MAX: variants seen among roughly 807,000 people sequenced by gnomAD.
The protein encoded by MAX is MYC associated transcriptional regulator X, also known as protein max.
Under a neutral mutation model 22.3 loss-of-function variants are expected in MAX, and 3 were observed. The observed-to-expected ratio is 0.13, with a 90% CI of 0.06 to 0.35. The LOEUF is 0.35. Among genes scored for constraint, MAX ranks in the 10% least tolerant of loss-of-function variants. The pLI is 1.00. For synonymous variants in MAX, 72 were observed against 77.7 expected, an observed-to-expected ratio of 0.93 and a Z score of 0.39; for missense variants, 119 against 209.4, an observed-to-expected ratio of 0.57 and a Z score of 2.66.
rs547085244 is a variant in MAX, at chr14:65,023,525, T to C, written c.172-17241A>G. Among the ~76,000 whole-genome samples the C allele has an allele frequency of 1.1e-3, 169 of 152,352 alleles. No individual in the cohort carries two copies. Among genetic ancestry groups the C allele is most frequent in the Middle Eastern group, 3.4e-3 (1 of 294 alleles). ...TAAAAGTGGTGGTGTCCAGCAGAAC[T>C]TTCTGTGATAATGAAAATGTTCTAT... On this transcript the variant is annotated intron_variant, in intron 3 of 3. Transcript: ENST00000341653. The surrounding 1 kb of genome is among the most constrained non-coding windows in gnomAD (Gnocchi z 4.1).
downstream of MAX, among the ~76,000 whole-genome samples, chr14:65,072,049 G>T (rs531490657): frequency 6.6e-6 from 1 of 152,338 alleles, no homozygotes; most frequent in East Asian, 1.9e-4. Flanking sequence ...TGTAGACATT[G>T]ACAAACTCTT....
In MAX at chr14:65,028,931, A is replaced by T. The variant is rs2062030955; in HGVS notation, c.172-22647T>A. On this transcript the variant is annotated intron_variant, in intron 3 of 3. Transcript: ENST00000341653. The surrounding 1 kb of genome is among the most constrained non-coding windows in gnomAD (Gnocchi z 4.4). ...TACTAAGATTATTAGGCAAAAGCAAACAAATCATAGCAAGATCCTTTTGGT... is the reference window on the plus strand; with the variant it reads ...TACTAAGATTATTAGGCAAAAGCAATCAAATCATAGCAAGATCCTTTTGGT... Among the ~76,000 whole-genome samples, 1 of 152,240 alleles carries T rather than the reference A, an allele frequency of 6.6e-6. No individual in the cohort carries two copies. Among genetic ancestry groups the T allele is most frequent in the Non-Finnish European group, 1.5e-5 (1 of 68,036 alleles).
In MAX at chr14:65,077,478, T is replaced by C. The variant is rs2063090244; in HGVS notation, c.295+435A>G. On this transcript the variant is annotated intron_variant, in intron 4 of 4. Transcript: ENST00000358664. The surrounding 1 kb of genome is among the most constrained non-coding windows in gnomAD (Gnocchi z 6.3). ...GTGAGCATTGAGAACAGCATGGGCC[T>C]AGCCCATAGGCTGCCCTGATTGGAC... 1 of 1,236,382 alleles carries C rather than the reference T, an allele frequency of 8.1e-7. No homozygotes were observed. Among genetic ancestry groups the C allele is most frequent in the South Asian group, 1.2e-5 (1 of 83,592 alleles). The allele number at this position is 1,236,382 out of a possible 1,614,324, so 76.6% of individuals were successfully genotyped here. A position where few individuals can be genotyped will look rare whatever the true frequency, so the allele number is the denominator to read the frequency against.
chr14:65,017,718 G>A (rs2061804860), intron 3 of MAX, among the ~76,000 whole-genome samples: 1 of 152,194 alleles, frequency 6.6e-6, no homozygotes, highest in Non-Finnish European at 1.5e-5. Context: ...CACTTTGGGA[G>A]GTTGAGGTGG....
intron 3 of MAX, among the ~76,000 whole-genome samples, chr14:65,043,903 C>T (rs551386723): frequency 1.3e-5 from 2 of 149,696 alleles, no homozygotes; most frequent in East Asian, 3.9e-4. Flanking sequence ...TTAATAAACT[C>T]CCCGGAGCAG....
intron 3 of MAX, among the ~76,000 whole-genome samples, chr14:65,021,289 C>T (rs1199622724): frequency 1.3e-5 from 2 of 152,182 alleles, no homozygotes; most frequent in African/African-American, 4.8e-5. Flanking sequence ...TTGCCTTTAA[C>T]TTAAAAACCA....
Position 65,078,130 on chromosome 14 carries a change from G to C in MAX, c.172-94C>G, listed in dbSNP as rs1422582468. 1 of 1,385,872 alleles carries C rather than the reference G, an allele frequency of 7.2e-7. No individual in the cohort carries two copies. Among genetic ancestry groups the C allele is most frequent in the Non-Finnish European group, 1.0e-6 (1 of 976,410 alleles). 85.8% of individuals were successfully genotyped at this position (1,385,872 alleles called of 1,614,324 possible). ...CCTGCAGCAACTGCTTGGGTGGCTGGAAACGAGAGGGTAAGGTGGGAAAAG... is the reference window on the plus strand; with the variant it reads ...CCTGCAGCAACTGCTTGGGTGGCTGCAAACGAGAGGGTAAGGTGGGAAAAG... On this transcript the variant is annotated intron_variant, in intron 3 of 4. Coordinates refer to ENST00000358664, the MANE Select transcript of MAX (RefSeq NM_002382.5). The surrounding 1 kb of genome is among the most constrained non-coding windows in gnomAD (Gnocchi z 6.4).
chr14:65,036,262 G>A (rs1036081525), intron 3 of MAX, among the ~76,000 whole-genome samples: 2 of 150,552 alleles, frequency 1.3e-5, no homozygotes, highest in African/African-American at 4.9e-5. Flanking sequence ...TTTGAAAGAG[G>A]GTCTCACTTC....
rs1238731038 is a variant in MAX, at chr14:65,008,108, C to T, written c.172-1824G>A. 2.6e-5 allele frequency among the ~76,000 whole-genome samples: 4 copies of T among 152,326 alleles called. No homozygotes were observed. The East Asian group carries it at 5.8e-4, about 22-fold the overall frequency. On this transcript the variant is annotated intron_variant, in intron 3 of 3. Transcript: ENST00000341653. ...TTCTTACTGTTGTTCTTTCCAAGGT[C>T]TCACAAATAAGTTCACCTTTCCTCG...
chr14:65,027,404 G>T lies in MAX; in HGVS notation c.172-21120C>A. 1 of 1,604,386 alleles carries T rather than the reference G, an allele frequency of 6.2e-7. No homozygotes were observed. ...GAATCTAGTGGGAATTTGGTGTTTTGACATGAATGCTCTCTGACTTTGTTT... is the reference window on the plus strand; with the variant it reads ...GAATCTAGTGGGAATTTGGTGTTTTTACATGAATGCTCTCTGACTTTGTTT... On this transcript the variant is annotated intron_variant, in intron 3 of 3. Transcript: ENST00000341653. This position sits in a 1 kb window ranked among gnomAD's most constrained non-coding sequence, Gnocchi z 5.7.
At chr14:65,016,241 T>A (rs1331952254) in intron 3 of MAX, among the ~76,000 whole-genome samples, 1 of 152,200 alleles carries the variant, frequency 6.6e-6, no homozygotes, top group East Asian at 1.9e-4. Context: ...ACCTGATCGA[T>A]GATTAGAGAT....
intron 3 of MAX, among the ~76,000 whole-genome samples, chr14:65,038,520 C>T (rs779594653): frequency 6.6e-6 from 1 of 151,940 alleles, no homozygotes; most frequent in Non-Finnish European, 1.5e-5. Flanking sequence ...GAGTTCGAAA[C>T]CAGCCTGACC....
intron 3 of MAX, among the ~76,000 whole-genome samples, chr14:65,025,518 T>A (rs2061962681): frequency 1.3e-5 from 2 of 152,158 alleles, no homozygotes; most frequent in East Asian, 3.9e-4. Flanking sequence ...TAATTGCTGT[T>A]AAAAATGTGT....
At position 65,102,424 on chromosome 14, in the gene MAX, A is replaced by G; in HGVS notation, c.-85T>C. 2 of 1,562,828 alleles carry G rather than the reference A, an allele frequency of 1.3e-6. No homozygotes were observed. The highest frequency in any genetic ancestry group is 1.7e-6 in the Non-Finnish European group (2 of 1,156,296). ...GAGGGGGAAGTCACCGACAACAACA[A>G]GCCGAGTCCCCCCCACACACACACT... On this transcript the variant is annotated 5_prime_UTR_variant, in exon 1 of 5. Coordinates refer to ENST00000358664, the MANE Select transcript of MAX (RefSeq NM_002382.5).
Position 65,076,949 on chromosome 14 carries a change from G to A in MAX, c.296-286C>T. 1.8e-6 allele frequency: 1 copy of A among 568,142 alleles called. No individual in the cohort carries two copies. The highest frequency in any genetic ancestry group is 3.0e-5 in the East Asian group (1 of 32,858). 35.2% of individuals were successfully genotyped at this position (568,142 alleles called of 1,614,324 possible). A position where few individuals can be genotyped will look rare whatever the true frequency, so the allele number is the denominator to read the frequency against. On this transcript the variant is annotated intron_variant, in intron 4 of 4. Coordinates refer to ENST00000358664, the MANE Select transcript of MAX (RefSeq NM_002382.5). This position sits in a 1 kb window ranked among gnomAD's most constrained non-coding sequence, Gnocchi z 6.6. ...TCCTGCCGTGGAAGCCCCGTGGAGA[G>A]ACTGGAGCGTGAGCTCCCTGTGGGA... is the stretch of plus-strand genomic sequence containing the variant.
chr14:65,040,054 G>A (rs2062310037), intron 3 of MAX, among the ~76,000 whole-genome samples: 2 of 152,184 alleles, frequency 1.3e-5, no homozygotes, highest in Admixed American at 1.3e-4. Flanking sequence ...TCCGGGTATG[G>A]TGGGGCACGC....
At chr14:65,083,783 T>C in intron 3 of MAX, 2 of 1,121,416 alleles carry the variant, frequency 1.8e-6, no homozygotes, top group Non-Finnish European at 2.2e-6. Context: ...CTAGTTATTT[T>C]AGAGAAAATG....
chr14:65,087,932 T>C (rs187668057), intron 3 of MAX, among the ~76,000 whole-genome samples: 236 of 152,324 alleles, frequency 1.5e-3, no homozygotes, highest in South Asian at 5.6e-3. Context: ...GGGACAGGTC[T>C]TTCCCATGCT....
chr14:65,064,006 C>T (rs966591111), intron 3 of MAX, among the ~76,000 whole-genome samples: 1 of 152,162 alleles, frequency 6.6e-6, no homozygotes, highest in African/African-American at 2.4e-5. Context: ...CACCCTTAGG[C>T]CCACCTTGAA....
Sources: gnomAD v4.1 joint callset for allele counts (sites outside exome capture counted in the v4.1 genomes callset) on GRCh38, gnomAD v4.1.1 for gene constraint, Gnocchi (gnomAD v3.1) non-coding constraint, MANE v1.5 for transcripts, NCBI Gene and HGNC (gene_info 2026-07-23, HGNC 2026-07-21) for gene names.